The following FMNL3 variants were observed in gnomAD, a reference collection of about 807,000 sequenced individuals.
FMNL3 encodes the protein formin-like protein 3.
FMNL3 carries 57 observed loss-of-function variants against 119.6 expected under a neutral mutation model. The ratio of observed to expected loss-of-function variants is 0.48; its 90% CI spans 0.39 to 0.59. The LOEUF (loss-of-function observed/expected upper bound fraction) is 0.59. Among genes scored for constraint, FMNL3 ranks in the 20% least tolerant of loss-of-function variants. The pLI is 0.00. For missense variants in FMNL3, 1,053 were observed against 1,323.5 expected, an observed-to-expected ratio of 0.80 and a Z score of 3.17; for synonymous variants, 491 against 507.3, an observed-to-expected ratio of 0.97 and a Z score of 0.43.
At position 49,644,228 on chromosome 12, in the gene FMNL3, G is replaced by C. The variant is rs761813074; in HGVS notation, c.*1587C>G. The C allele has an allele frequency of 6.2e-7, 1 of 1,610,524 alleles. No individual in the cohort carries two copies. The highest frequency in any genetic ancestry group is 8.5e-7 in the Non-Finnish European group (1 of 1,177,134). The stretch of plus-strand genomic sequence containing the variant: ...TGTTCTCTGCCTCGGGTCTGTGTGA[G>C]GCCATGGCTCCTGGGCCACCCTCAC... On this transcript the variant is annotated 3_prime_UTR_variant, in exon 26 of 26. Coordinates refer to ENST00000335154, the MANE Select transcript of FMNL3 (RefSeq NM_175736.5).
At chr12:49,646,740 G>A (rs750747140) in intron 25 of FMNL3, 146 bp downstream of exon 25, 6 of 1,580,780 alleles carry the variant, frequency 3.8e-6, no homozygotes, top group Non-Finnish European at 5.2e-6. Context: ...CCGTGAAAGG[G>A]ACACTCTTCA....
At chr12:49,692,688 C>T (rs777850981) in intron 1 of FMNL3, among the ~76,000 whole-genome samples, 12 of 152,180 alleles carry the variant, frequency 7.9e-5, no homozygotes, top group Non-Finnish European at 1.6e-4. Context: ...TGAGTGCCTA[C>T]CCTGTGCCAG....
chr12:49,693,677 TCGCTC>T, intron 1 of FMNL3, among the ~76,000 whole-genome samples: 1 of 129,654 alleles, frequency 7.7e-6, no homozygotes, highest in African/African-American at 3.1e-5. Flanking sequence ...AGACAGAGTT[TCGCTC>T]TTGTTGCCCA....
At chr12:49,662,649 C>G (rs1465429667) in intron 4 of FMNL3, among the ~76,000 whole-genome samples, 1 of 152,186 alleles carries the variant, frequency 6.6e-6, no homozygotes, top group Non-Finnish European at 1.5e-5. Context: ...CCAGAAAAAG[C>G]ATGGGAGATG....
At chr12:49,679,097 A>G (rs1372332169) in intron 1 of FMNL3, among the ~76,000 whole-genome samples, 2 of 152,234 alleles carry the variant, frequency 1.3e-5, no homozygotes, top group Non-Finnish European at 2.9e-5. Context: ...TAAGCACTCT[A>G]TATGAATTAT....
At chr12:49,645,956 G>A in intron 25 of FMNL3, 53 bp from the exon 26 acceptor site, 4 of 1,527,372 alleles carry the variant, frequency 2.6e-6, no homozygotes, top group Non-Finnish European at 3.6e-6. Flanking sequence ...AGCCAGGACA[G>A]TGCCCTCAAG....
rs1942050211 is a variant in FMNL3, at chr12:49,637,752, A to G, written c.*8063T>C. Reference sequence around the variant, plus strand: ...TTACAGGCTCCACCCCTCTGGACTTATTCAAGTTCTATGTGGAGGAGTTGA... The same window carrying G: ...TTACAGGCTCCACCCCTCTGGACTTGTTCAAGTTCTATGTGGAGGAGTTGA... On this transcript the variant is annotated 3_prime_UTR_variant, in exon 26 of 26. Coordinates refer to ENST00000335154, the MANE Select transcript of FMNL3 (RefSeq NM_175736.5). 1.3e-6 allele frequency: 2 copies of G among 1,599,142 alleles called. No homozygotes were observed. Among genetic ancestry groups the G allele is most frequent in the South Asian group, 1.1e-5 (1 of 90,630 alleles).
At chr12:49,658,707 C>G (rs1943649161) in intron 5 of FMNL3, 113 bp from the exon 6 acceptor site, 3 of 1,266,686 alleles carry the variant, frequency 2.4e-6, no homozygotes, top group Non-Finnish European at 3.2e-6. Flanking sequence ...GGGCAACAAG[C>G]AGCAGGGGTA....
In FMNL3 at chr12:49,707,114, G is replaced by A; in HGVS notation, c.67C>T (p.Pro23Ser). ...EPPSVPLLLP[P>S]GKMPMPEPCE... ...GGCTCAGGCATCGGCATCTTGCCGG[G>A]CGGCAGCAACAACGGGACAGAGGGG... Residue 23 changes from proline to serine, a missense_variant, in exon 1 of 26, where the codon CCC (proline) becomes TCC (serine). Physicochemically the swap from Pro to Ser is moderately conservative, Grantham distance 74. Transcript: ENST00000335154. The A allele has an allele frequency of 6.2e-7, 1 of 1,605,024 alleles. No individual in the cohort carries two copies. Among genetic ancestry groups the A allele is most frequent in the Non-Finnish European group, 8.5e-7 (1 of 1,176,704 alleles).
At chr12:49,695,210 T>C (rs1243803379) in intron 1 of FMNL3, among the ~76,000 whole-genome samples, 3 of 152,082 alleles carry the variant, frequency 2.0e-5, no homozygotes, top group African/African-American at 7.2e-5. Context: ...AAAGCTAAAT[T>C]CCTCTTGAAT....
chr12:49,653,417 C>G, intron 12 of FMNL3, 90 bp from the exon 13 acceptor site: 1 of 1,339,836 alleles, frequency 7.5e-7, no homozygotes, highest in East Asian at 2.3e-5. Context: ...GAGTCGGACC[C>G]CTCAACACAA....
intron 1 of FMNL3, among the ~76,000 whole-genome samples, chr12:49,673,998 T>C (rs1032765057): frequency 1.3e-5 from 2 of 152,152 alleles, no homozygotes; most frequent in African/African-American, 4.8e-5. Context: ...ACACCCACAC[T>C]TTTCCCCAGC....
At position 49,653,341 on chromosome 12, in the gene FMNL3, A is replaced by C. The variant is rs1364587030; in HGVS notation, c.1222-14T>G. 1 of 1,613,298 alleles carries C rather than the reference A, an allele frequency of 6.2e-7. No homozygotes were observed. The highest frequency in any genetic ancestry group is 8.5e-7 in the Non-Finnish European group (1 of 1,179,732). On this transcript the variant is annotated splice_polypyrimidine_tract_variant and intron_variant, in intron 12 of 25. Transcript: ENST00000335154. ...CTTCTCTGTGAGCTGCACAACAGGA[A>C]GGGCAGGTTCTGTGCTGGCCCTAAA...
At chr12:49,650,561 G>A (rs1231493592) in intron 17 of FMNL3, 115 bp downstream of exon 17, 1 of 1,162,260 alleles carries the variant, frequency 8.6e-7, no homozygotes, top group Non-Finnish European at 1.2e-6. Context: ...GATGACTAGG[G>A]GGATGTGAGG....
intron 1 of FMNL3, among the ~76,000 whole-genome samples, chr12:49,706,683 C>T (rs534518398): frequency 4.6e-5 from 7 of 152,298 alleles, no homozygotes; most frequent in Non-Finnish European, 8.8e-5. Flanking sequence ...CTTCTGAATT[C>T]CCCCCACCCG....
At position 49,652,108 on chromosome 12, in the gene FMNL3, C is replaced by G; in HGVS notation, c.1428G>C (p.Arg476=). ...CCTCACTGTCCACAGACTCCAGGCCCCGGACATTTGGCTCCAAATGACATC... is the reference window on the plus strand; with the variant it reads ...CCTCACTGTCCACAGACTCCAGGCCGCGGACATTTGGCTCCAAATGACATC... ...QRRCHLEPNV[R]GLESVDSEAL... The change falls in exon 14 of 26, where the codon CGG becomes CGC. Residue 476 remains arginine, a synonymous_variant. Transcript: ENST00000335154. 1 of 1,613,090 alleles carries G rather than the reference C, an allele frequency of 6.2e-7. No homozygotes were observed. The highest frequency in any genetic ancestry group is 1.1e-5 in the South Asian group (1 of 90,732).
chr12:49,666,262 G>A (rs1040427383), intron 2 of FMNL3, 55 bp from the exon 3 acceptor site: 54 of 1,485,074 alleles, frequency 3.6e-5, no homozygotes, highest in Non-Finnish European at 4.8e-5. Flanking sequence ...GACCTGAGGA[G>A]GGCACTGAGG....
In FMNL3 at chr12:49,650,670, C is replaced by A. The variant is rs768014043; in HGVS notation, c.2000+6G>T. On this transcript the variant is annotated splice_donor_region_variant and intron_variant, in intron 17 of 25. Coordinates refer to ENST00000335154, the MANE Select transcript of FMNL3 (RefSeq NM_175736.5). ...GGGACCAGAGCCAGGTCAGTGGGAG[C>A]CTCACGTATGAATGGCCCTGCAGAT... is the stretch of plus-strand genomic sequence containing the variant. The A allele has an allele frequency of 6.2e-7, 1 of 1,612,514 alleles. No homozygotes were observed. Among genetic ancestry groups the A allele is most frequent in the Admixed American group, 1.7e-5 (1 of 60,024 alleles).
intron 1 of FMNL3, among the ~76,000 whole-genome samples, chr12:49,689,943 G>A (rs1944559452): frequency 6.6e-6 from 1 of 152,046 alleles, no homozygotes; most frequent in South Asian, 2.1e-4. Flanking sequence ...TAAATCCCCT[G>A]TCCTCCTTAA....
Sources: gnomAD v4.1 joint callset for allele counts (sites outside exome capture counted in the v4.1 genomes callset) on GRCh38, gnomAD v4.1.1 for gene constraint, MANE v1.5 for transcripts, NCBI Gene and HGNC (gene_info 2026-07-23, HGNC 2026-07-21) for gene names.